SNX31: variants seen among roughly 807,000 people sequenced by gnomAD.
The protein encoded by SNX31 is sorting nexin 31.
SNX31 carries 58 observed loss-of-function variants against 65.4 expected under a neutral mutation model. The observed-to-expected ratio is 0.89, with a 90% CI of 0.72 to 1.10. The LOEUF (loss-of-function observed/expected upper bound fraction) is 1.10, where lower values mean the gene tolerates loss of function less well. Ranked by LOEUF, SNX31 falls within the 50% of genes least tolerant of loss-of-function variation. The probability of loss-of-function intolerance (pLI) is 0.00; values close to 1 mark genes in which losing one functional copy is unlikely to be tolerated. For synonymous variants in SNX31, 181 were observed against 190.1 expected (o/e 0.95, Z 0.39); for missense variants, 523 against 529.7 (o/e 0.99, Z 0.12).
At chr8:100,587,427 C>T (rs539790688) in intron 11 of SNX31, among the ~76,000 whole-genome samples, 1 of 152,316 alleles carries the variant, frequency 6.6e-6, no homozygotes, top group Admixed American at 6.5e-5. Flanking sequence ...GATTCTGTTG[C>T]TGTTGTTTCA....
intron 1 of SNX31, among the ~76,000 whole-genome samples, chr8:100,656,640 CAAAAAAA>C (rs34052612): frequency 2.2e-5 from 1 of 44,600 alleles, no homozygotes; most frequent in Admixed American, 3.4e-4. Flanking sequence ...GACTCTGTCT[CAAAAAAA>C]AAAAAAAAAA....
chr8:100,615,996 G>C (rs148959412), intron 5 of SNX31, among the ~76,000 whole-genome samples: 3 of 151,988 alleles, frequency 2.0e-5, no homozygotes, highest in African/African-American at 4.8e-5. Flanking sequence ...GAATGGTCTC[G>C]ATCTCCTGAC....
chr8:100,616,951 A>G (rs1817262613), intron 5 of SNX31, among the ~76,000 whole-genome samples: 1 of 152,180 alleles, frequency 6.6e-6, no homozygotes, highest in Non-Finnish European at 1.5e-5. Flanking sequence ...AAAACCTTCC[A>G]GAGGAAAAGG....
rs1182610117 is a variant in SNX31, at chr8:100,578,824, C to T, written c.1171-1749G>A. Reference sequence around the variant, plus strand: ...GCAACCTCCACCTCCTGGATTCAAGCGATTCTCCAGCCTCAGTCTCCCAAG... The same window carrying T: ...GCAACCTCCACCTCCTGGATTCAAGTGATTCTCCAGCCTCAGTCTCCCAAG... On this transcript the variant is annotated intron_variant, in intron 12 of 13. Transcript: ENST00000311812. The surrounding 1 kb of genome is among the most constrained non-coding windows in gnomAD (Gnocchi z 4.7). Among the ~76,000 whole-genome samples, 1 of 151,874 alleles carries T rather than the reference C, an allele frequency of 6.6e-6. No homozygotes were observed. The highest frequency in any genetic ancestry group is 1.5e-5 in the Non-Finnish European group (1 of 67,982).
chr8:100,618,201 G>T, intron 4 of SNX31: 1 of 1,439,590 alleles, frequency 6.9e-7, no homozygotes, highest in Middle Eastern at 2.1e-4. Flanking sequence ...GTTTTGTGGG[G>T]TATAGTGGAG....
In SNX31 at chr8:100,605,638, G is replaced by A. The variant is rs113669717; in HGVS notation, c.681+2856C>T. Among the ~76,000 whole-genome samples, 23 of 152,266 alleles carry A rather than the reference G, an allele frequency of 1.5e-4. 1 individual carries two copies. Among genetic ancestry groups the A allele is most frequent in the African/African-American group, 4.8e-4 (20 of 41,546 alleles). On this transcript the variant is annotated intron_variant, in intron 8 of 13. Transcript: ENST00000311812. ...GCTGGCCCAGGGTCACCCAGAGAGA[G>A]GATCAGTGTCAGAGCAAGGGACAGA...
intron 8 of SNX31, among the ~76,000 whole-genome samples, chr8:100,603,750 T>A (rs1815877530): frequency 6.6e-6 from 1 of 151,154 alleles, no homozygotes; most frequent in African/African-American, 2.4e-5. Flanking sequence ...CCGGCCTTTT[T>A]TTTTTTTGAG....
rs1437097180 is a variant in SNX31 at position 100,576,710 on chromosome 8, G to C, written c.1227+309C>G. 6.6e-6 allele frequency among the ~76,000 whole-genome samples: 1 copy of C among 152,122 alleles called. No homozygotes were observed. Among genetic ancestry groups the C allele is most frequent in the African/African-American group, 2.4e-5 (1 of 41,426 alleles). ...TATGAGACCAAAATATACTAGATAT[G>C]TAACATATACAAATTAGAAAGAGAG... On this transcript the variant is annotated intron_variant, in intron 13 of 13. Transcript: ENST00000311812. This position sits in a 1 kb window ranked among gnomAD's most constrained non-coding sequence, Gnocchi z 4.8.
At position 100,649,496 on chromosome 8, in the gene SNX31, T is replaced by C; in HGVS notation, c.19A>G (p.Ile7Val). The change falls in exon 1 of 14, where the codon ATC (isoleucine) becomes GTC (valine). Residue 7 changes from isoleucine (I) to valine (V), a missense_variant. Transcript: ENST00000311812. Reference protein sequence around the residue: MKMHFCIPVSQQRSDAL... With the variant: MKMHFCVPVSQQRSDAL... Reference sequence around the variant, plus strand: ...TCGGACCGCTGCTGGGACACCGGGATACAGAAATGCATCTTCATGGCTGAG... The same window carrying C: ...TCGGACCGCTGCTGGGACACCGGGACACAGAAATGCATCTTCATGGCTGAG... 1.9e-6 allele frequency: 3 copies of C among 1,576,662 alleles called. No homozygotes were observed. Among genetic ancestry groups the C allele is most frequent in the South Asian group, 2.3e-5 (2 of 86,234 alleles).
intron 8 of SNX31, among the ~76,000 whole-genome samples, chr8:100,605,255 C>A (rs1008427261): frequency 6.6e-6 from 1 of 152,174 alleles, no homozygotes; most frequent in African/African-American, 2.4e-5. Context: ...ATGAGACAGT[C>A]TCTGCCCTTG....
At chr8:100,585,447 G>C (rs904877191) in intron 11 of SNX31, among the ~76,000 whole-genome samples, 2 of 152,168 alleles carry the variant, frequency 1.3e-5, no homozygotes, top group Non-Finnish European at 2.9e-5. Flanking sequence ...TGGTAGCCAA[G>C]TAGGAAGTTC....
rs1046944618 is a variant in SNX31, at chr8:100,612,513, A to G, written c.524-426T>C. Among the ~76,000 whole-genome samples the G allele has an allele frequency of 1.3e-5, 2 of 152,188 alleles. No homozygotes were observed. The highest frequency in any genetic ancestry group is 4.8e-5 in the African/African-American group (2 of 41,446). ...AAAAAAAAACTTGTAATATCTAGAA[A>G]CATACTGTAGAGAAAACAAAAGATA... is the stretch of plus-strand genomic sequence containing the variant. On this transcript the variant is annotated intron_variant, in intron 6 of 13. Transcript: ENST00000311812. This position sits in a 1 kb window ranked among gnomAD's most constrained non-coding sequence, Gnocchi z 4.3.
intron 5 of SNX31, 135 bp downstream of exon 5, chr8:100,617,485 C>T (rs767545579): frequency 1.7e-5 from 10 of 582,110 alleles, no homozygotes; most frequent in Non-Finnish European, 3.0e-5. Flanking sequence ...AATGCCAGTA[C>T]CTCTGCAGAT....
intron 9 of SNX31, among the ~76,000 whole-genome samples, chr8:100,599,786 G>A (rs1033836827): frequency 6.6e-6 from 1 of 152,146 alleles, no homozygotes; most frequent in South Asian, 2.1e-4. Context: ...CAGGAGGTAC[G>A]TGATTTGGTA....
intron 10 of SNX31, among the ~76,000 whole-genome samples, chr8:100,595,375 C>A (rs1477228989): frequency 6.8e-6 from 1 of 146,616 alleles, no homozygotes; most frequent in East Asian, 2.1e-4. Flanking sequence ...GTGATGTAAT[C>A]TCACCTCACT....
Position 100,609,107 on chromosome 8 carries a change from T to C in SNX31, c.612-544A>G, listed in dbSNP as rs141965134. Among the ~76,000 whole-genome samples the C allele has an allele frequency of 1.3e-5, 2 of 152,304 alleles. No individual in the cohort carries two copies. The highest frequency in any genetic ancestry group is 4.8e-5 in the African/African-American group (2 of 41,556). ...TGTTCCTGGAGTTAGATATTTATTC[T>C]ACTCACTTTCAAGGCCCTTCCGGGG... On this transcript the variant is annotated intron_variant, in intron 7 of 13. Transcript: ENST00000311812. This position sits in a 1 kb window ranked among gnomAD's most constrained non-coding sequence, Gnocchi z 4.9.
At chr8:100,587,926 T>C (rs1334189620) in intron 11 of SNX31, among the ~76,000 whole-genome samples, 2 of 152,154 alleles carry the variant, frequency 1.3e-5, no homozygotes, top group Admixed American at 1.3e-4. Context: ...ACATAGAGTG[T>C]AGTTACACAA....
At chr8:100,638,192 C>T (rs1002008262) in intron 2 of SNX31, among the ~76,000 whole-genome samples, 5 of 152,182 alleles carry the variant, frequency 3.3e-5, no homozygotes, top group African/African-American at 1.2e-4. Flanking sequence ...ATTCCACTGC[C>T]TTTCTCAAAA....
intron 12 of SNX31, among the ~76,000 whole-genome samples, chr8:100,581,171 T>C (rs993140409): frequency 7.3e-5 from 11 of 150,880 alleles, no homozygotes; most frequent in African/African-American, 2.4e-4. Flanking sequence ...TGGTGGCACA[T>C]GCCAGTGGTC....
Sources: gnomAD v4.1 joint callset for allele counts (sites outside exome capture counted in the v4.1 genomes callset) on GRCh38, gnomAD v4.1.1 for gene constraint, Gnocchi (gnomAD v3.1) non-coding constraint, MANE v1.5 for transcripts, NCBI Gene and HGNC (gene_info 2026-07-23, HGNC 2026-07-21) for gene names.